NCMAP: variants seen among roughly 807,000 people sequenced by gnomAD.
The protein encoded by NCMAP is non-compact myelin associated protein.
Under a neutral mutation model 7.8 loss-of-function variants are expected in NCMAP, and 8 were observed. The ratio of observed to expected loss-of-function variants is 1.02; its 90% CI spans 0.60 to 1.84. The LOEUF (loss-of-function observed/expected upper bound fraction) is 1.84. NCMAP is among the 40% of genes most tolerant of loss of function. NCMAP has a pLI of 0.00. For synonymous variants in NCMAP, 41 were observed against 52.9 expected (o/e 0.78, Z 0.98); for missense variants, 112 against 131.4 (o/e 0.85, Z 0.72).
chr1:24,562,864 G>A (rs1651093641), intron 1 of NCMAP, among the ~76,000 whole-genome samples: 1 of 152,210 alleles, frequency 6.6e-6, no homozygotes, highest in African/African-American at 2.4e-5. Context: ...GGTGAACTTG[G>A]CAGAGTGCCA....
chr1:24,572,806 C>T (rs1276766313), intron 1 of NCMAP, among the ~76,000 whole-genome samples: 9 of 150,908 alleles, frequency 6.0e-5, no homozygotes, highest in Admixed American at 3.9e-4. Flanking sequence ...TCCTCTGGCA[C>T]GTCAAGGAGC....
intron 2 of NCMAP, among the ~76,000 whole-genome samples, chr1:24,597,182 G>A (rs1464856983): frequency 1.3e-5 from 2 of 152,190 alleles, no homozygotes; most frequent in Middle Eastern, 3.4e-3. Context: ...TCAGGAAGAC[G>A]AGAATAATTC....
chr1:24,573,952 C>CGAAAAAAA (rs1651466411), intron 1 of NCMAP, among the ~76,000 whole-genome samples: 1 of 84,454 alleles, frequency 1.2e-5, no homozygotes, highest in African/African-American at 5.4e-5. Flanking sequence ...CCAGAGAGGA[C>CGAAAAAAA]AAAAAAAAAA....
intron 1 of NCMAP, among the ~76,000 whole-genome samples, chr1:24,594,049 G>A (rs1271824295): frequency 2.7e-5 from 4 of 149,930 alleles, no homozygotes; most frequent in East Asian, 2.0e-4. Context: ...CCACCACCAT[G>A]CCTGGCTAAT....
intron 1 of NCMAP, chr1:24,563,534 C>CAAAAAAAAAAAAAAAAAAAA (rs57911205): frequency 8.0e-6 from 1 of 125,432 alleles, no homozygotes. Flanking sequence ...AAAACAACAA[C>CAAAAAAAAAAAAAAAAAAAA]AAAAAAAAAA....
chr1:24,605,220 T>C lies in NCMAP; in HGVS notation c.168-386T>C, dbSNP rs149069955. Among the ~76,000 whole-genome samples, 400 of 152,282 alleles carry C rather than the reference T, an allele frequency of 2.6e-3. 2 individuals are homozygous for C. The highest frequency in any genetic ancestry group is 9.3e-3 in the African/African-American group (385 of 41,566). On this transcript the variant is annotated intron_variant, in intron 3 of 3. Transcript: ENST00000374392. Reference sequence around the variant, plus strand: ...TGTTTTCAGTACATTCTCTTTTCAATTATGTAAAAAGTTCTTAAATATTTC... The same window carrying C: ...TGTTTTCAGTACATTCTCTTTTCAACTATGTAAAAAGTTCTTAAATATTTC...
intron 1 of NCMAP, among the ~76,000 whole-genome samples, chr1:24,573,646 C>G (rs1651452781): frequency 6.7e-6 from 1 of 150,206 alleles, no homozygotes; most frequent in African/African-American, 2.5e-5. Flanking sequence ...GACTGAGAAA[C>G]CTAGAAACCG....
intron 1 of NCMAP, among the ~76,000 whole-genome samples, chr1:24,588,003 A>T (rs1317399572): frequency 6.6e-6 from 1 of 152,052 alleles, no homozygotes; most frequent in Admixed American, 6.5e-5. Context: ...GGCAAAAGAA[A>T]GAGAAAGAAA....
chr1:24,598,770 T>C (rs1652347632), intron 2 of NCMAP, among the ~76,000 whole-genome samples: 1 of 151,760 alleles, frequency 6.6e-6, no homozygotes, highest in Non-Finnish European at 1.5e-5. Flanking sequence ...CCTGAATAGC[T>C]GGGATTACAG....
chr1:24,604,652 AT>A (rs1466982537), intron 3 of NCMAP, among the ~76,000 whole-genome samples: 1 of 99,084 alleles, frequency 1.0e-5, no homozygotes, highest in Non-Finnish European at 2.0e-5. Context: ...ATATATATAT[AT>A]GTCAGCAAGA....
rs1652791510 is a variant in NCMAP, at chr1:24,607,090, G to C, written c.*1343G>C. On this transcript the variant is annotated 3_prime_UTR_variant, in exon 4 of 4. Coordinates refer to ENST00000374392, the MANE Select transcript of NCMAP (RefSeq NM_001010980.5). ...GCTCGCTGCAGCCTTGAACTCCTGG[G>C]CTCAAGGGATGCTCCCTCCTCAGCC... The C allele has an allele frequency of 6.6e-6, 1 of 151,762 alleles. No homozygotes were observed. The highest frequency in any genetic ancestry group is 2.4e-5 in the African/African-American group (1 of 41,298). The allele number at this position is 151,762 out of a possible 1,614,324, so 9.4% of individuals were successfully genotyped here.
intron 1 of NCMAP, among the ~76,000 whole-genome samples, chr1:24,586,930 C>T (rs143362403): frequency 6.6e-4 from 100 of 152,176 alleles, no homozygotes; most frequent in African/African-American, 2.1e-3. Flanking sequence ...AGGGTAATAT[C>T]GATAGATATT....
intron 1 of NCMAP, among the ~76,000 whole-genome samples, chr1:24,575,141 G>A (rs910941515): frequency 1.3e-5 from 2 of 151,848 alleles, no homozygotes; most frequent in Non-Finnish European, 2.9e-5. Context: ...TTTCTGGGAG[G>A]CGGAGGTTGC....
At chr1:24,577,419 T>TTTTTTG (rs1651614621) in intron 1 of NCMAP, among the ~76,000 whole-genome samples, 4 of 146,784 alleles carry the variant, frequency 2.7e-5, no homozygotes, top group African/African-American at 1.0e-4. Flanking sequence ...TTTTTTTTTT[T>TTTTTTG]TTTTTTTTTT....
rs1336263889 is a variant in NCMAP, at chr1:24,606,652, A to G, written c.*905A>G. On this transcript the variant is annotated 3_prime_UTR_variant, in exon 4 of 4. Coordinates refer to ENST00000374392, the MANE Select transcript of NCMAP (RefSeq NM_001010980.5). ...TTTGTCCTTCCTGGTCACCTTGCAG[A>G]TTCAAGACATGTTCAAAGCAACACA... 6.6e-6 allele frequency: 1 copy of G among 152,320 alleles called. No homozygotes were observed. Among genetic ancestry groups the G allele is most frequent in the Non-Finnish European group, 1.5e-5 (1 of 68,054 alleles). 9.4% of individuals were successfully genotyped at this position (152,320 alleles called of 1,614,324 possible). A position where few individuals can be genotyped will look rare whatever the true frequency, so the allele number is the denominator to read the frequency against.
At chr1:24,564,286 G>A (rs943659580) in intron 1 of NCMAP, among the ~76,000 whole-genome samples, 7 of 151,912 alleles carry the variant, frequency 4.6e-5, no homozygotes, top group African/African-American at 1.5e-4. Flanking sequence ...GAGGCAGGCA[G>A]ATCATTTGAG....
intron 1 of NCMAP, among the ~76,000 whole-genome samples, chr1:24,575,655 G>A (rs1651531838): frequency 6.6e-6 from 1 of 152,028 alleles, no homozygotes; most frequent in Non-Finnish European, 1.5e-5. Flanking sequence ...TTTTAAAACT[G>A]AGAAAACTGC....
intron 1 of NCMAP, among the ~76,000 whole-genome samples, chr1:24,572,141 C>T (rs781536039): frequency 2.7e-5 from 4 of 148,292 alleles, no homozygotes; most frequent in Non-Finnish European, 4.4e-5. Context: ...GGGGCAGCGG[C>T]GAGCATGCTC....
intron 1 of NCMAP, among the ~76,000 whole-genome samples, chr1:24,570,475 A>G (rs1651356911): frequency 6.6e-6 from 1 of 150,820 alleles, no homozygotes; most frequent in Non-Finnish European, 1.5e-5. Flanking sequence ...AGCCTGGGCA[A>G]CAGAGCAAGA....
Sources: allele counts gnomAD v4.1 joint callset (sites outside exome capture counted in the v4.1 genomes callset), GRCh38; gene constraint gnomAD v4.1.1; transcripts MANE v1.5; gene names NCBI Gene and HGNC (gene_info 2026-07-23, HGNC 2026-07-21).